Variants in SUGP2 observed in about 807,000 individuals in gnomAD.
SUGP2 encodes the protein SURP and G-patch domain-containing protein 2.
SUGP2 carries 24 observed loss-of-function variants against 90.5 expected under a neutral mutation model. The observed-to-expected ratio is 0.27, with a 90% CI of 0.19 to 0.37. The LOEUF is 0.37. Ranked by LOEUF, SUGP2 falls within the 10% of genes least tolerant of loss-of-function variation. SUGP2 has a pLI of 1.00. For synonymous variants in SUGP2, 473 were observed against 513.4 expected, an observed-to-expected ratio of 0.92 and a Z score of 1.06; for missense variants, 1,233 against 1,363.3, an observed-to-expected ratio of 0.90 and a Z score of 1.51.
chr19:19,015,562 G>T (rs968328392), intron 4 of SUGP2, among the ~76,000 whole-genome samples: 2 of 152,084 alleles, frequency 1.3e-5, no homozygotes, highest in African/African-American at 4.8e-5. Flanking sequence ...GGAGTGCAGT[G>T]GTGCGATCTT....
At chr19:19,013,763 G>A (rs1431782464) in intron 4 of SUGP2, among the ~76,000 whole-genome samples, 2 of 152,160 alleles carry the variant, frequency 1.3e-5, no homozygotes, top group Non-Finnish European at 2.9e-5. Context: ...GGACCTGGTG[G>A]GCTCTCCCTG....
Position 18,992,344 on chromosome 19 carries a change from C to T in SUGP2, c.*1397G>A, listed in dbSNP as rs1156638858. ...GAATTATAGGCGTGAGTCACCGTGC[C>T]GGCCTTTTTTTTTTTTTTTTTTGGA... is the stretch of plus-strand genomic sequence containing the variant. On this transcript the variant is annotated 3_prime_UTR_variant, in exon 11 of 11. Transcript: ENST00000452918. 1.6e-5 allele frequency: 2 copies of T among 128,342 alleles called. No homozygotes were observed. The highest frequency in any genetic ancestry group is 3.0e-5 in the African/African-American group (1 of 33,512). The allele number at this position is 128,342 out of a possible 1,614,324, so 8.0% of individuals were successfully genotyped here.
intron 4 of SUGP2, among the ~76,000 whole-genome samples, chr19:19,011,100 C>T (rs982545465): frequency 1.3e-5 from 2 of 151,140 alleles, no homozygotes; most frequent in Non-Finnish European, 2.9e-5. Flanking sequence ...GATTGCACCA[C>T]TGCACTCCAG....
At chr19:19,024,225 C>T (rs1192985131) in intron 3 of SUGP2, among the ~76,000 whole-genome samples, 1 of 152,206 alleles carries the variant, frequency 6.6e-6, no homozygotes, top group African/African-American at 2.4e-5. Context: ...ATTCTCCTAA[C>T]TCAGCCTCCC....
At chr19:19,008,472 T>C (rs1568408336) in intron 5 of SUGP2, 44 bp from the exon 6 acceptor site, 1 of 1,481,952 alleles carries the variant, frequency 6.7e-7, no homozygotes, top group Admixed American at 1.7e-5. Flanking sequence ...CCTGAGCTGC[T>C]GCTCCCCGTG....
intron 1 of SUGP2, among the ~76,000 whole-genome samples, chr19:19,031,513 AAC>A (rs758711123): frequency 1.3e-4 from 19 of 148,058 alleles, no homozygotes; most frequent in Non-Finnish European, 2.8e-4. Context: ...CAGCATGGGT[AAC>A]AGAGTGAGAC....
At position 18,991,531 on chromosome 19, in the gene SUGP2, C is replaced by T. The variant is rs1333631923; in HGVS notation, c.*2210G>A. The T allele has an allele frequency of 1.3e-5, 2 of 152,214 alleles. No homozygotes were observed. The highest frequency in any genetic ancestry group is 2.9e-5 in the Non-Finnish European group (2 of 68,082). The allele number at this position is 152,214 out of a possible 1,614,324, so 9.4% of individuals were successfully genotyped here. On this transcript the variant is annotated 3_prime_UTR_variant, in exon 11 of 11. Coordinates refer to ENST00000452918, the MANE Select transcript of SUGP2 (RefSeq NM_001017392.5). ...GTGGGGGGCGGTCAGTGGCCACACG[C>T]CACAGATTCCTAAAGCATTTAACTT...
intron 2 of SUGP2, among the ~76,000 whole-genome samples, chr19:19,028,487 C>T (rs1002021224): frequency 2.0e-5 from 3 of 152,154 alleles, no homozygotes; most frequent in East Asian, 1.9e-4. Flanking sequence ...GTATTGATGG[C>T]ATGATTAGGG....
chr19:18,994,287 A>G, intron 10 of SUGP2, 79 bp downstream of exon 10: 1 of 1,556,952 alleles, frequency 6.4e-7, no homozygotes. Flanking sequence ...GGGAACATCA[A>G]CTTTGTTGGG....
chr19:19,033,004 T>C (rs1419304459), intron 1 of SUGP2: 1 of 151,374 alleles, frequency 6.6e-6, no homozygotes, highest in East Asian at 2.0e-4. Flanking sequence ...TGACCCAGGT[T>C]CAAATCACAC....
chr19:19,025,682 T>C lies in SUGP2; in HGVS notation c.666A>G (p.Glu222=), dbSNP rs1319067367. The part of the protein sequence containing the change: ...RGRALNIVDQ[E]GSLLGKGETQ... ...TCTCCCCCTTTCCTAGGAGGGAACC[T>C]TCCTGGTCAACGATGTTTAGAGCTC... Residue 222 remains glutamate, a synonymous_variant, in exon 3 of 11, where the codon GAA becomes GAG. Transcript: ENST00000452918. The C allele has an allele frequency of 6.2e-7, 1 of 1,613,964 alleles. No individual in the cohort carries two copies.
intron 10 of SUGP2, 140 bp downstream of exon 10, chr19:18,994,226 C>A: frequency 7.6e-6 from 9 of 1,190,638 alleles, no homozygotes. Flanking sequence ...CCTTTTGTTT[C>A]CCTCACAGAA....
chr19:18,997,782 CAAAAAA>C (rs35875282), intron 8 of SUGP2, among the ~76,000 whole-genome samples: 2 of 88,288 alleles, frequency 2.3e-5, no homozygotes, highest in South Asian at 4.2e-4. Flanking sequence ...GACTCCGTCT[CAAAAAA>C]AAAAAAAAAA....
Position 19,010,108 on chromosome 19 carries a change from TCTC to T in SUGP2, c.2082_2084del (p.Arg695del), listed in dbSNP as rs1248044273. On this transcript the variant is annotated inframe_deletion, in exon 5 of 11. Coordinates refer to ENST00000452918, the MANE Select transcript of SUGP2 (RefSeq NM_001017392.5). ...GGAGGGTCTGGGTCCCGGTGGTCGC[TCTC>T]CTCGCCTTCCAGCCCCGGAGCCCTT... is the stretch of plus-strand genomic sequence containing the variant. 6.4e-7 allele frequency: 1 copy of T among 1,556,234 alleles called. No homozygotes were observed. Among genetic ancestry groups the T allele is most frequent in the African/African-American group, 1.7e-5 (1 of 58,634 alleles).
At chr19:19,026,942 G>A (rs541552296) in intron 2 of SUGP2, among the ~76,000 whole-genome samples, 1 of 152,292 alleles carries the variant, frequency 6.6e-6, no homozygotes, top group Non-Finnish European at 1.5e-5. Context: ...GAGAGGCCAT[G>A]ATGGAAACTG....
At chr19:19,024,475 A>C in intron 3 of SUGP2, 144 bp downstream of exon 3, 1 of 841,010 alleles carries the variant, frequency 1.2e-6, no homozygotes, top group Non-Finnish European at 1.8e-6. Context: ...TGGCAGACAT[A>C]TATTGGCCAA....
At chr19:19,012,656 A>C (rs1007316583) in intron 4 of SUGP2, among the ~76,000 whole-genome samples, 3 of 152,220 alleles carry the variant, frequency 2.0e-5, no homozygotes, top group African/African-American at 7.2e-5. Context: ...GCTTTTCACT[A>C]GGAGGCAAGT....
chr19:19,016,552 G>A (rs554453342), intron 4 of SUGP2, among the ~76,000 whole-genome samples: 3 of 152,182 alleles, frequency 2.0e-5, no homozygotes, highest in Admixed American at 2.0e-4. Context: ...TTACCAAGAG[G>A]GTCGGTATCT....
intron 3 of SUGP2, among the ~76,000 whole-genome samples, chr19:19,019,966 G>C (rs1380423830): frequency 3.8e-5 from 4 of 105,854 alleles, no homozygotes; most frequent in Admixed American, 1.3e-4. Context: ...GGGCAACATG[G>C]TGAAACTCCG....
Sources: gnomAD v4.1 joint callset for allele counts (sites outside exome capture counted in the v4.1 genomes callset) on GRCh38, gnomAD v4.1.1 for gene constraint, MANE v1.5 for transcripts, NCBI Gene and HGNC (gene_info 2026-07-23, HGNC 2026-07-21) for gene names.